Variants in CNGB1 observed in about 807,000 individuals in gnomAD.
CNGB1 encodes the protein cyclic nucleotide gated channel subunit beta 1.
In CNGB1, 126 loss-of-function variants were observed where a neutral mutation model predicts 151.7. The ratio of observed to expected loss-of-function variants is 0.83; its 90% CI spans 0.72 to 0.96. The LOEUF (loss-of-function observed/expected upper bound fraction) is 0.96. Among genes scored for constraint, CNGB1 ranks in the 40% least tolerant of loss-of-function variants. CNGB1 has a pLI of 0.00. For synonymous variants in CNGB1, 623 were observed against 635.1 expected (o/e 0.98, Z 0.29); for missense variants, 1,698 against 1,627.0 (o/e 1.04, Z -0.75).
Position 57,919,261 on chromosome 16 carries a change from G to A in CNGB1, c.1802-7C>T. 1 of 1,614,156 alleles carries A rather than the reference G, an allele frequency of 6.2e-7. No individual in the cohort carries two copies. The highest frequency in any genetic ancestry group is 1.1e-5 in the South Asian group (1 of 91,078). On this transcript the variant is annotated splice_polypyrimidine_tract_variant and splice_region_variant and intron_variant, in intron 19 of 32. Transcript: ENST00000251102. ...GGGGCTTTCTTGGCTGGGGCTGTGG[G>A]ATGACATTGGTGACCATCTGAACCA...
chr16:57,933,950 T>G (rs1961433203), intron 16 of CNGB1, among the ~76,000 whole-genome samples: 1 of 152,086 alleles, frequency 6.6e-6, no homozygotes, highest in Non-Finnish European at 1.5e-5. Flanking sequence ...CTTGAACTCC[T>G]GATCTCAGGT....
chr16:57,959,902 G>T lies in CNGB1; in HGVS notation c.747C>A (p.Thr249=). Residue 249 remains threonine, a synonymous_variant, in exon 10 of 33, where the codon ACC becomes ACA. Coordinates refer to ENST00000251102, the MANE Select transcript of CNGB1 (RefSeq NM_001297.5). ...GGGTGGCTCACCTGGCAGGGTCCCT[G>T]GTTGGTGGCAGGGAGGAGGTCTGGG... ...SQAQTSSLPP[T]RDPARLVAWV... 6.5e-7 allele frequency: 1 copy of T among 1,550,016 alleles called. No homozygotes were observed. Among genetic ancestry groups the T allele is most frequent in the Non-Finnish European group, 8.7e-7 (1 of 1,147,100 alleles).
rs1962531641 is a variant in CNGB1 at position 57,971,099 on chromosome 16, G to C, written c.-48C>G. 6.6e-6 allele frequency: 1 copy of C among 152,314 alleles called. No homozygotes were observed. The highest frequency in any genetic ancestry group is 2.4e-5 in the African/African-American group (1 of 41,452). The allele number at this position is 152,314 out of a possible 1,614,324, so 9.4% of individuals were successfully genotyped here. On this transcript the variant is annotated 5_prime_UTR_variant, in exon 1 of 33. Transcript: ENST00000251102. ...ACCGCCAGCCAGGAATTGCCTTCTT[G>C]CTGCCACTCGTAGCTGGCCCCTCAG...
At chr16:57,939,662 T>C (rs1278494104) in intron 15 of CNGB1, 70 bp from the exon 16 acceptor site, 1 of 1,597,782 alleles carries the variant, frequency 6.3e-7, no homozygotes, top group African/African-American at 1.3e-5. Flanking sequence ...CAGCTCCTGT[T>C]AGATCTGCCT....
intron 13 of CNGB1, 148 bp downstream of exon 13, chr16:57,950,231 CTA>C: frequency 1.1e-6 from 1 of 911,230 alleles, no homozygotes; most frequent in Non-Finnish European, 1.8e-6. Flanking sequence ...GGTAGCCATT[CTA>C]CCCATGGGAG....
intron 29 of CNGB1, 143 bp from the exon 30 acceptor site, chr16:57,898,057 C>T (rs1429322613): frequency 2.5e-6 from 2 of 806,726 alleles, no homozygotes; most frequent in African/African-American, 1.7e-5. Context: ...CTTGGGGTGT[C>T]GTGTGGGGGC....
intron 16 of CNGB1, among the ~76,000 whole-genome samples, chr16:57,939,213 A>G (rs1961594483): frequency 6.6e-6 from 1 of 152,140 alleles, no homozygotes; most frequent in South Asian, 2.1e-4. Context: ...CCTCAGTGAA[A>G]TTCCTTAGAA....
At chr16:57,912,187 C>T (rs1960735533) in intron 24 of CNGB1, among the ~76,000 whole-genome samples, 1 of 151,906 alleles carries the variant, frequency 6.6e-6, no homozygotes, top group Admixed American at 6.6e-5. Context: ...GCCATGTCGC[C>T]CCAGGAGAGA....
chr16:57,920,422 G>T lies in CNGB1; in HGVS notation c.1766C>A (p.Pro589His). 1 of 1,614,206 alleles carries T rather than the reference G, an allele frequency of 6.2e-7. No individual in the cohort carries two copies. Among genetic ancestry groups the T allele is most frequent in the Non-Finnish European group, 8.5e-7 (1 of 1,180,050 alleles). ...GCTCTCCTCATCAGAGGTGACGTCA[G>T]GGTCAATGAGTTTCTCCTTCACTTT... is the stretch of plus-strand genomic sequence containing the variant. ...TEKVKEKLID[P>H]DVTSDEESPK... Residue 589 changes from proline (P) to histidine (H), a missense_variant, in exon 19 of 33, where the codon CCT (proline) becomes CAT (histidine). Pro to His is a moderately conservative substitution (Grantham distance 77). Coordinates refer to ENST00000251102, the MANE Select transcript of CNGB1 (RefSeq NM_001297.5).
intron 16 of CNGB1, among the ~76,000 whole-genome samples, chr16:57,934,069 CTG>C (rs368815908): frequency 1.1e-4 from 17 of 152,236 alleles, no homozygotes; most frequent in African/African-American, 3.4e-4. Flanking sequence ...AGCCGGCACT[CTG>C]TTAAATTGCT....
At chr16:57,933,539 T>G (rs1246423459) in intron 16 of CNGB1, among the ~76,000 whole-genome samples, 1 of 152,054 alleles carries the variant, frequency 6.6e-6, no homozygotes, top group Non-Finnish European at 1.5e-5. Flanking sequence ...GCTCAGAGGA[T>G]ACTGAGAGGC....
At chr16:57,929,139 T>A (rs1365363969) in intron 17 of CNGB1, among the ~76,000 whole-genome samples, 1 of 152,150 alleles carries the variant, frequency 6.6e-6, no homozygotes, top group Non-Finnish European at 1.5e-5. Flanking sequence ...TACACCTCAA[T>A]ATGAAAACAA....
intron 26 of CNGB1, among the ~76,000 whole-genome samples, chr16:57,904,302 C>T (rs1171342487): frequency 6.6e-6 from 1 of 152,104 alleles, no homozygotes; most frequent in Non-Finnish European, 1.5e-5. Flanking sequence ...GTGACGGCGG[C>T]CATGTTGTCT....
At chr16:57,962,091 G>A (rs757109452) in intron 7 of CNGB1, among the ~76,000 whole-genome samples, 7 of 152,130 alleles carry the variant, frequency 4.6e-5, no homozygotes, top group Non-Finnish European at 7.4e-5. Flanking sequence ...GCCCCTTCTC[G>A]GAGCTCCCTG....
At chr16:57,960,748 T>G in intron 8 of CNGB1, 92 bp downstream of exon 8, 2 of 1,409,604 alleles carry the variant, frequency 1.4e-6, no homozygotes, top group East Asian at 2.4e-5. Flanking sequence ...CTGGGGTGGG[T>G]GGGGACAGCC....
In CNGB1 at chr16:57,884,395, G is replaced by A. The variant is rs752446297; in HGVS notation, c.3525C>T (p.His1175=). The A allele has an allele frequency of 6.2e-7, 1 of 1,613,362 alleles. No individual in the cohort carries two copies. The highest frequency in any genetic ancestry group is 2.2e-5 in the East Asian group (1 of 44,810). Residue 1175 remains histidine, a synonymous_variant, in exon 33 of 33, where the codon CAC becomes CAT. Coordinates refer to ENST00000251102, the MANE Select transcript of CNGB1 (RefSeq NM_001297.5). ...EGSAAPDQHT[H]PKEAATDPPA... ...GTGGGTCGGTGGCGGCCTCCTTTGGGTGCGTGTGCTGGTCTGGGGCGGCGG... is the reference window on the plus strand; with the variant it reads ...GTGGGTCGGTGGCGGCCTCCTTTGGATGCGTGTGCTGGTCTGGGGCGGCGG...
chr16:57,908,706 G>C (rs1364611523), intron 25 of CNGB1, among the ~76,000 whole-genome samples: 2 of 152,144 alleles, frequency 1.3e-5, no homozygotes, highest in Admixed American at 6.5e-5. Context: ...CTCATCCCTC[G>C]TCCCTCAAGC....
At chr16:57,920,603 A>G (rs1961005974) in intron 18 of CNGB1, 59 bp from the exon 19 acceptor site, 1 of 1,595,774 alleles carries the variant, frequency 6.3e-7, no homozygotes, top group Admixed American at 1.7e-5. Flanking sequence ...GTGCACCCCC[A>G]GGCCAGAGCT....
intron 29 of CNGB1, 77 bp downstream of exon 29, chr16:57,901,275 A>T: frequency 7.2e-7 from 1 of 1,386,192 alleles, no homozygotes; most frequent in Non-Finnish European, 1.0e-6. Flanking sequence ...GCTGGCAGGC[A>T]CCCCTCCAGC....
Sources: gnomAD v4.1 joint callset for allele counts (sites outside exome capture counted in the v4.1 genomes callset) on GRCh38, gnomAD v4.1.1 for gene constraint, MANE v1.5 for transcripts, NCBI Gene and HGNC (gene_info 2026-07-23, HGNC 2026-07-21) for gene names.